TAF3: variants seen among roughly 807,000 people sequenced by gnomAD.
The protein encoded by TAF3 is transcription initiation factor TFIID subunit 3.
In TAF3, 7 loss-of-function variants were observed where a neutral mutation model predicts 80.6. That is an observed-to-expected ratio of 0.09 (90% CI 0.05 to 0.16). TAF3 has a LOEUF of 0.16. TAF3 is among the 10% of genes least tolerant of loss of function. The probability of loss-of-function intolerance (pLI) is 1.00; values close to 1 mark genes in which losing one functional copy is unlikely to be tolerated. For synonymous variants in TAF3, 444 were observed against 446.1 expected, an observed-to-expected ratio of 1.00 and a Z score of 0.06; for missense variants, 921 against 1,140.2, an observed-to-expected ratio of 0.81 and a Z score of 2.77.
At chr10:7,932,669 A>AT (rs34907761) in intron 2 of TAF3, among the ~76,000 whole-genome samples, 14,068 of 79,072 alleles carry the variant, frequency 0.18, 695 homozygotes, top group East Asian at 0.26. Context: ...GTTCCACTTA[A>AT]TTTTTTTTTT....
intron 2 of TAF3, among the ~76,000 whole-genome samples, chr10:7,840,046 T>A (rs770928916): frequency 3.9e-5 from 6 of 152,224 alleles, no homozygotes; most frequent in Non-Finnish European, 8.8e-5. Flanking sequence ...AATGCTATAG[T>A]AAGAGATTTT....
chr10:7,916,404 A>C (rs1837712705), intron 2 of TAF3, among the ~76,000 whole-genome samples: 1 of 152,252 alleles, frequency 6.6e-6, no homozygotes, highest in African/African-American at 2.4e-5. Context: ...TTAGTTAGCT[A>C]TGAAGTTGGA....
At position 7,916,625 on chromosome 10, in the gene TAF3, T is replaced by TA. The variant is rs200045830; in HGVS notation, c.410-47290dup. Among the ~76,000 whole-genome samples the TA allele has an allele frequency of 3.7e-3, 567 of 152,164 alleles. 4 individuals carry two copies. Among genetic ancestry groups the TA allele is most frequent in the South Asian group, 0.02 (97 of 4,832 alleles). On this transcript the variant is annotated intron_variant, in intron 2 of 6. Transcript: ENST00000344293. Reference sequence around the variant, plus strand: ...ATGTTTTTAATAATAGGTGAGCTTTTAAAAATAAAGTGTATATATATATAT... The same window carrying TA: ...ATGTTTTTAATAATAGGTGAGCTTTTAAAAAATAAAGTGTATATATATATAT...
rs1474430404 is a variant in TAF3, at chr10:8,014,772, C to T, written c.*21C>T. ...ACTGACGACTCCCGAGGGGCTGGAC[C>T]AAGCGGGGTCAGCCCGGGCTTCTTC... On this transcript the variant is annotated 3_prime_UTR_variant, in exon 7 of 7. Transcript: ENST00000344293. 1 of 1,560,090 alleles carries T rather than the reference C, an allele frequency of 6.4e-7. No homozygotes were observed. Among genetic ancestry groups the T allele is most frequent in the African/African-American group, 1.4e-5 (1 of 73,256 alleles).
At chr10:7,954,699 C>G (rs1424692012) in intron 2 of TAF3, among the ~76,000 whole-genome samples, 1 of 138,334 alleles carries the variant, frequency 7.2e-6, no homozygotes, top group Non-Finnish European at 1.6e-5. Context: ...ACAGAGCTCT[C>G]CCTAGTGAGA....
At chr10:7,922,785 A>G (rs1837777078) in intron 2 of TAF3, among the ~76,000 whole-genome samples, 1 of 152,110 alleles carries the variant, frequency 6.6e-6, no homozygotes, top group Non-Finnish European at 1.5e-5. Flanking sequence ...GTTAGAATAC[A>G]ATGCTACTTC....
At chr10:7,978,944 G>T (rs965495175) in intron 4 of TAF3, among the ~76,000 whole-genome samples, 3 of 152,340 alleles carry the variant, frequency 2.0e-5, no homozygotes, top group Admixed American at 2.0e-4. Context: ...GGGAGGCTGA[G>T]GCAGGAAGAT....
At chr10:7,962,406 A>G (rs1228947534) in intron 2 of TAF3, among the ~76,000 whole-genome samples, 1 of 152,164 alleles carries the variant, frequency 6.6e-6, no homozygotes, top group African/African-American at 2.4e-5. Context: ...TTCCCAACAC[A>G]TACCCCACAC....
intron 2 of TAF3, among the ~76,000 whole-genome samples, chr10:7,827,637 G>T (rs1215617620): frequency 6.6e-6 from 1 of 152,088 alleles, no homozygotes; most frequent in Admixed American, 6.6e-5. Context: ...AATATTAGCT[G>T]GGCGTGGTGG....
chr10:7,887,819 TA>T (rs551170000), intron 2 of TAF3, among the ~76,000 whole-genome samples: 3,363 of 146,646 alleles, frequency 0.023, 38 homozygotes, highest in African/African-American at 0.034. Flanking sequence ...ATTGGCCACT[TA>T]AAAAAAAAAA....
chr10:7,962,705 G>A (rs1400290740), intron 2 of TAF3, among the ~76,000 whole-genome samples: 6 of 152,054 alleles, frequency 3.9e-5, no homozygotes, highest in East Asian at 1.9e-4. Flanking sequence ...AGCCTCCTCC[G>A]CATGATTGAC....
chr10:8,006,714 A>C (rs1564382294), intron 4 of TAF3, among the ~76,000 whole-genome samples: 1 of 152,242 alleles, frequency 6.6e-6, no homozygotes, highest in African/African-American at 2.4e-5. Context: ...TCAGAATAGC[A>C]AAGAGTCAGT....
At chr10:7,942,712 G>T (rs968596737) in intron 2 of TAF3, among the ~76,000 whole-genome samples, 1 of 152,170 alleles carries the variant, frequency 6.6e-6, no homozygotes, top group African/African-American at 2.4e-5. Flanking sequence ...AAATCCAGGG[G>T]CCCCATCCCA....
chr10:7,838,742 G>A (rs748285427), intron 2 of TAF3, among the ~76,000 whole-genome samples: 4 of 151,984 alleles, frequency 2.6e-5, no homozygotes, highest in Non-Finnish European at 4.4e-5. Flanking sequence ...CCTAACATCC[G>A]ACGCTATAAG....
intron 4 of TAF3, among the ~76,000 whole-genome samples, chr10:7,981,985 C>T (rs969137639): frequency 6.6e-6 from 1 of 152,124 alleles, no homozygotes; most frequent in East Asian, 1.9e-4. Context: ...GAAGAATAAT[C>T]ATGGGCAGTT....
intron 3 of TAF3, among the ~76,000 whole-genome samples, chr10:7,966,309 G>A (rs912569264): frequency 1.3e-5 from 2 of 152,188 alleles, no homozygotes; most frequent in Admixed American, 1.3e-4. Context: ...TAAGATAAGG[G>A]CACATTTCTG....
At chr10:7,917,065 G>A (rs1362605926) in intron 2 of TAF3, among the ~76,000 whole-genome samples, 4 of 152,344 alleles carry the variant, frequency 2.6e-5, no homozygotes, top group Admixed American at 6.5e-5. Flanking sequence ...ACATCTCTGT[G>A]CTCAATAAGT....
chr10:7,847,242 A>G, intron 2 of TAF3, among the ~76,000 whole-genome samples: 1 of 152,236 alleles, frequency 6.6e-6, no homozygotes. Context: ...ATAATATTTC[A>G]TATTTGTCAA....
At chr10:7,880,051 A>G (rs1837345977) in intron 2 of TAF3, among the ~76,000 whole-genome samples, 3 of 152,168 alleles carry the variant, frequency 2.0e-5, no homozygotes, top group African/African-American at 7.2e-5. Context: ...TCTACAAAAA[A>G]TAGAACAAAT....
Sources: allele counts gnomAD v4.1 joint callset (sites outside exome capture counted in the v4.1 genomes callset), GRCh38; gene constraint gnomAD v4.1.1; transcripts MANE v1.5; gene names NCBI Gene and HGNC (gene_info 2026-07-23, HGNC 2026-07-21).